Variants in CD109 observed in about 807,000 individuals in gnomAD.
CD109 encodes the protein CD109 antigen.
In CD109, 149 loss-of-function variants were observed where a neutral mutation model predicts 165.8. That is an observed-to-expected ratio of 0.90 (90% confidence interval 0.79 to 1.03). CD109 has a LOEUF of 1.03. Among genes scored for constraint, CD109 ranks in the 50% least tolerant of loss-of-function variants. The pLI, the probability that CD109 is intolerant of heterozygous loss-of-function variation, is 0.00. For synonymous variants in CD109, 585 were observed against 592.1 expected (o/e 0.99, Z 0.18); for missense variants, 1,712 against 1,677.8 (o/e 1.02, Z -0.36).
intron 14 of CD109, among the ~76,000 whole-genome samples, chr6:73,771,046 C>T (rs1774014838): frequency 6.6e-6 from 1 of 152,194 alleles, no homozygotes; most frequent in African/African-American, 2.4e-5. Flanking sequence ...ACGTCACCAA[C>T]ATGTAGGCAT....
chr6:73,775,571 G>A (rs951170196), intron 15 of CD109, among the ~76,000 whole-genome samples: 4 of 151,924 alleles, frequency 2.6e-5, no homozygotes, highest in Non-Finnish European at 4.4e-5. Flanking sequence ...TGTTACATAG[G>A]CAACCTTGTG....
At chr6:73,806,353 G>A (rs1034586975) in intron 24 of CD109, among the ~76,000 whole-genome samples, 1 of 150,798 alleles carries the variant, frequency 6.6e-6, no homozygotes, top group African/African-American at 2.4e-5. Flanking sequence ...TACACACCGG[G>A]ACCTGTTGTG....
At chr6:73,747,879 C>T (rs1383949248) in intron 5 of CD109, among the ~76,000 whole-genome samples, 1 of 151,474 alleles carries the variant, frequency 6.6e-6, no homozygotes, top group Non-Finnish European at 1.5e-5. Context: ...ATATTTCTTT[C>T]TTTCTTTTTT....
At chr6:73,802,768 C>T (rs978112246) in intron 23 of CD109, among the ~76,000 whole-genome samples, 4 of 148,928 alleles carry the variant, frequency 2.7e-5, no homozygotes, top group South Asian at 2.2e-4. Context: ...ACGCAAATCT[C>T]GGCTCACTGC....
intron 6 of CD109, among the ~76,000 whole-genome samples, chr6:73,758,268 G>T (rs1400629606): frequency 6.6e-6 from 1 of 151,954 alleles, no homozygotes; most frequent in Admixed American, 6.6e-5. Flanking sequence ...TGTTTCTTTG[G>T]TCAGAGAACT....
At chr6:73,755,832 G>A (rs1773367984) in intron 5 of CD109, among the ~76,000 whole-genome samples, 1 of 151,776 alleles carries the variant, frequency 6.6e-6, no homozygotes. Context: ...ATAGTGACTT[G>A]CCCCTGTGGT....
chr6:73,726,898 C>G (rs1772159447), intron 3 of CD109, among the ~76,000 whole-genome samples: 1 of 152,172 alleles, frequency 6.6e-6, no homozygotes, highest in Non-Finnish European at 1.5e-5. Flanking sequence ...CAGCCCTGTG[C>G]CCTCTGGTCA....
chr6:73,759,230 G>A (rs1307603506), intron 7 of CD109, among the ~76,000 whole-genome samples: 1 of 152,022 alleles, frequency 6.6e-6, no homozygotes, highest in Non-Finnish European at 1.5e-5. Context: ...CTTGCAAGCC[G>A]ACCCAGTCTT....
At chr6:73,770,946 C>T (rs1177011829) in intron 14 of CD109, among the ~76,000 whole-genome samples, 2 of 152,158 alleles carry the variant, frequency 1.3e-5, no homozygotes, top group African/African-American at 4.8e-5. Context: ...GCTCTAACCA[C>T]CCACTCCCTT....
intron 20 of CD109, among the ~76,000 whole-genome samples, chr6:73,786,565 C>A (rs1582157338): frequency 6.6e-6 from 1 of 152,032 alleles, no homozygotes; most frequent in East Asian, 1.9e-4. Context: ...CACTTACCAG[C>A]AAATGACTTA....
At chr6:73,702,902 A>G (rs1466904118) in intron 2 of CD109, among the ~76,000 whole-genome samples, 3 of 152,204 alleles carry the variant, frequency 2.0e-5, no homozygotes. Flanking sequence ...ATTATTAATC[A>G]CCTATTGTGA....
rs2150256140 is a variant in CD109, at chr6:73,785,441, A to T, written c.2301A>T (p.Glu767Asp). The change falls in exon 20 of 33, where the codon GAA becomes GAT. Residue 767 changes from glutamate (E) to aspartate (D), a missense_variant. Transcript: ENST00000287097. The stretch of plus-strand genomic sequence containing the variant: ...TCAGAGGTGAAGAATTTGCTTTGGA[A>T]ATAACTATATTCAATTATTTGAAAG... ...SVIRGEEFAL[E>D]ITIFNYLKDA... 1 of 1,599,146 alleles carries T rather than the reference A, an allele frequency of 6.3e-7. No individual in the cohort carries two copies. The highest frequency in any genetic ancestry group is 8.5e-7 in the Non-Finnish European group (1 of 1,170,232).
intron 2 of CD109, among the ~76,000 whole-genome samples, chr6:73,708,827 C>T (rs867538717): frequency 1.4e-4 from 22 of 152,130 alleles, no homozygotes; most frequent in South Asian, 2.1e-4. Flanking sequence ...ATATCCTTTG[C>T]CCACTTGTTG....
chr6:73,765,696 T>C (rs1773808172), intron 10 of CD109, among the ~76,000 whole-genome samples: 1 of 151,228 alleles, frequency 6.6e-6, no homozygotes, highest in South Asian at 2.1e-4. Flanking sequence ...GAAAGAGAGG[T>C]AGGAAGTGAA....
At chr6:73,775,600 C>G (rs72957315) in intron 15 of CD109, among the ~76,000 whole-genome samples, 3,753 of 152,164 alleles carry the variant, frequency 0.025, 71 homozygotes, top group East Asian at 0.042. Context: ...GTTTGTTGTA[C>G]AGATTATTTC....
intron 3 of CD109, among the ~76,000 whole-genome samples, chr6:73,724,216 A>G (rs1772057987): frequency 6.6e-6 from 1 of 152,116 alleles, no homozygotes; most frequent in Non-Finnish European, 1.5e-5. Context: ...CACTCACCTC[A>G]CCATAGCCCT....
Position 73,711,818 on chromosome 6 carries a change from TG to T in CD109, c.248-11432del, listed in dbSNP as rs1771548372. On this transcript the variant is annotated intron_variant, in intron 2 of 32. Transcript: ENST00000287097. The stretch of plus-strand genomic sequence containing the variant: ...TCCCAAAGTGCTGGGATTACAGGCG[TG>T]AGCCACCGCGCCCGGCCTAAGTTTT... 1.3e-4 allele frequency among the ~76,000 whole-genome samples: 4 copies of T among 30,688 alleles called. 1 individual carries two copies. The highest frequency in any genetic ancestry group is 5.3e-4 in the East Asian group (1 of 1,882). The allele number at this position is 30,688 out of a possible 152,430, so 20.1% of individuals were successfully genotyped here. A position where few individuals can be genotyped will look rare whatever the true frequency, so the allele number is the denominator to read the frequency against.
chr6:73,785,922 G>A lies in CD109; in HGVS notation c.2337+445G>A, dbSNP rs371177225. Among the ~76,000 whole-genome samples the A allele has an allele frequency of 1.7e-3, 263 of 150,422 alleles. 2 individuals are homozygous for A. The South Asian group carries it at 0.022, about 12-fold the overall frequency. On this transcript the variant is annotated intron_variant, in intron 20 of 32. Transcript: ENST00000287097. ...TGCAGTGGCGTGATCTCGGCTCACT[G>A]CAACTTCCACCTCACAGGTTCAAGT...
chr6:73,705,018 A>G (rs1214530801), intron 2 of CD109, among the ~76,000 whole-genome samples: 1 of 152,176 alleles, frequency 6.6e-6, no homozygotes, highest in Non-Finnish European at 1.5e-5. Flanking sequence ...GGGAACAGTT[A>G]CTTCACGTAC....
Sources: allele counts gnomAD v4.1 joint callset (sites outside exome capture counted in the v4.1 genomes callset), GRCh38; gene constraint gnomAD v4.1.1; transcripts MANE v1.5; gene names NCBI Gene and HGNC (gene_info 2026-07-23, HGNC 2026-07-21).